RBFA: variants seen among roughly 807,000 people sequenced by gnomAD.
RBFA encodes putative ribosome-binding factor A, mitochondrial.
A neutral mutation model predicts 27.9 loss-of-function variants in RBFA; 16 were observed. That is an observed-to-expected ratio of 0.57 (90% confidence interval 0.39 to 0.87). The LOEUF (loss-of-function observed/expected upper bound fraction) is 0.87, where lower values mean the gene tolerates loss of function less well. RBFA is among the 40% of genes least tolerant of loss of function. The probability of loss-of-function intolerance (pLI) is 0.00; values close to 1 mark genes in which losing one functional copy is unlikely to be tolerated. For missense variants in RBFA, 456 were observed against 432.1 expected, an observed-to-expected ratio of 1.06 and a Z score of -0.49; for synonymous variants, 181 against 181.0, an observed-to-expected ratio of 1.00 and a Z score of 0.00.
In RBFA at chr18:80,046,437, C is replaced by T. The variant is rs2052054982; in HGVS notation, c.*282C>T. Reference sequence around the variant, plus strand: ...CTCTGAGATGCTGGCATGGCCACCTCCACCTGCAGAGCCCTGCCAGGTGCC... The same window carrying T: ...CTCTGAGATGCTGGCATGGCCACCTTCACCTGCAGAGCCCTGCCAGGTGCC... On this transcript the variant is annotated 3_prime_UTR_variant, in exon 7 of 7. Coordinates refer to ENST00000306735, the MANE Select transcript of RBFA (RefSeq NM_024805.3). 1 of 387,796 alleles carries T rather than the reference C, an allele frequency of 2.6e-6. No individual in the cohort carries two copies. Among genetic ancestry groups the T allele is most frequent in the Admixed American group, 4.1e-5 (1 of 24,618 alleles). The allele number at this position is 387,796 out of a possible 1,614,324, so 24.0% of individuals were successfully genotyped here. A position where few individuals can be genotyped will look rare whatever the true frequency, so the allele number is the denominator to read the frequency against.
At chr18:80,037,231 C>T in intron 2 of RBFA, 99 bp from the exon 3 acceptor site, 1 of 855,544 alleles carries the variant, frequency 1.2e-6, no homozygotes, top group South Asian at 1.7e-5. Flanking sequence ...TGCTGTTGAT[C>T]TGGTTGCCCA....
At chr18:80,038,482 C>T (rs922165094) in intron 3 of RBFA, 23 bp from the exon 4 acceptor site, 1 of 1,526,448 alleles carries the variant, frequency 6.6e-7, no homozygotes, top group Non-Finnish European at 9.0e-7. Context: ...TAAAAAGTGA[C>T]CTGTGGAGGG....
At chr18:80,034,971 CT>C (rs1262608187) in intron 1 of RBFA, 1 of 315,040 alleles carries the variant, frequency 3.2e-6, no homozygotes, top group African/African-American at 2.2e-5. Flanking sequence ...CTAATGTTGA[CT>C]TTCTGTGTGA....
At chr18:80,044,348 T>A (rs2052036405) in intron 6 of RBFA, 63 bp downstream of exon 6, 1 of 1,436,152 alleles carries the variant, frequency 7.0e-7, no homozygotes, top group East Asian at 2.3e-5. Context: ...GAATCACCAT[T>A]TTCCAGAGCA....
At chr18:80,042,049 A>G (rs1599768756) in intron 4 of RBFA, 86 bp from the exon 5 acceptor site, 1 of 995,328 alleles carries the variant, frequency 1.0e-6, no homozygotes, top group Non-Finnish European at 1.5e-6. Flanking sequence ...TCTTGGTTAC[A>G]TCTTGAATCA....
chr18:80,034,450 C>T lies in RBFA; in HGVS notation c.-46C>T, dbSNP rs752317094. On this transcript the variant is annotated 5_prime_UTR_variant, in exon 1 of 7. Coordinates refer to ENST00000306735, the MANE Select transcript of RBFA (RefSeq NM_024805.3). ...CCTCGCGTCAGTTGTCGCTCCGCGC[C>T]TGCGCCCGTTGTCTCCCTGCTCGCT... The T allele has an allele frequency of 8.4e-6, 12 of 1,434,662 alleles. No homozygotes were observed. The highest frequency in any genetic ancestry group is 1.1e-5 in the Non-Finnish European group (12 of 1,100,724). 88.9% of individuals were successfully genotyped at this position (1,434,662 alleles called of 1,614,324 possible).
chr18:80,042,040 C>T (rs1176007322), intron 4 of RBFA, 95 bp from the exon 5 acceptor site: 2 of 891,114 alleles, frequency 2.2e-6, no homozygotes, highest in East Asian at 6.0e-5. Flanking sequence ...ACTCCTGCCT[C>T]TTGGTTACAT....
In RBFA at chr18:80,038,519, A is replaced by G. The variant is rs1275055534; in HGVS notation, c.393A>G (p.Pro131=). 4 of 1,612,852 alleles carry G rather than the reference A, an allele frequency of 2.5e-6. No homozygotes were observed. Among genetic ancestry groups the G allele is most frequent in the Middle Eastern group, 1.7e-4 (1 of 6,054 alleles). ...NVELSKVSLT[P]DFSACRAYWK... The stretch of plus-strand genomic sequence containing the variant: ...CGGGGTCTCAGGTTTCCCTGACTCC[A>G]GACTTCTCAGCCTGCCGAGCGTACT... The change falls in exon 4 of 7, where the codon CCA becomes CCG. Residue 131 remains proline, a synonymous_variant. Coordinates refer to ENST00000306735, the MANE Select transcript of RBFA (RefSeq NM_024805.3).
chr18:80,041,292 C>T (rs2052013881), intron 4 of RBFA: 1 of 152,196 alleles, frequency 6.6e-6, no homozygotes, highest in Non-Finnish European at 1.5e-5. Flanking sequence ...TTCCCAACTC[C>T]TGCGGTCACC....
chr18:80,046,122 G>A lies in RBFA; in HGVS notation c.999G>A (p.Glu333=). ...CAGAGAGAGGAGGTGGCAGAACAGA[G>A]GATGGCCACAGCTGCGGAGCAAGCA... is the stretch of plus-strand genomic sequence containing the variant. ...LEAERGGGRT[E]DGHSCGASRE Residue 333 remains glutamate, a synonymous_variant, in exon 7 of 7, where the codon GAG becomes GAA. Transcript: ENST00000306735. 6.2e-7 allele frequency: 1 copy of A among 1,614,094 alleles called. No homozygotes were observed. The highest frequency in any genetic ancestry group is 1.1e-5 in the South Asian group (1 of 91,044).
chr18:80,035,261 TAA>T (rs35792614), intron 1 of RBFA: 71,341 of 152,552 alleles, frequency 0.47, 17,487 homozygotes, highest in East Asian at 0.76. Flanking sequence ...CCGATATTGA[TAA>T]GAGTGTTGCT....
chr18:80,046,208 C>A lies in RBFA; in HGVS notation c.*53C>A. Reference sequence around the variant, plus strand: ...TGCAGGGAAAAGCATTGGCACGCAACGCAGCATGTGGCTTCATTGAGGCAG... The same window carrying A: ...TGCAGGGAAAAGCATTGGCACGCAAAGCAGCATGTGGCTTCATTGAGGCAG... On this transcript the variant is annotated 3_prime_UTR_variant, in exon 7 of 7. Transcript: ENST00000306735. 6.4e-7 allele frequency: 1 copy of A among 1,568,216 alleles called. No homozygotes were observed. The highest frequency in any genetic ancestry group is 1.8e-5 in the Admixed American group (1 of 56,368).
rs1301766975 is a variant in RBFA at position 80,047,859 on chromosome 18, T to C, written c.*1704T>C. ...GTGTACATGTCTGTGGTTAATCATATAGGTCAGGATAATGAGGTGATACTG... is the reference window on the plus strand; with the variant it reads ...GTGTACATGTCTGTGGTTAATCATACAGGTCAGGATAATGAGGTGATACTG... On this transcript the variant is annotated 3_prime_UTR_variant, in exon 7 of 7. Transcript: ENST00000306735. Among the ~76,000 whole-genome samples, 1 of 152,166 alleles carries C rather than the reference T, an allele frequency of 6.6e-6. No individual in the cohort carries two copies.
chr18:80,042,630 G>A (rs1313533358), intron 5 of RBFA, among the ~76,000 whole-genome samples: 1 of 152,026 alleles, frequency 6.6e-6, no homozygotes, highest in Non-Finnish European at 1.5e-5. Context: ...AATTAGCTAG[G>A]TGTGGTGGCG....
At chr18:80,045,735 T>C (rs2052047299) in intron 6 of RBFA, 39 bp from the exon 7 acceptor site, 3 of 1,497,184 alleles carry the variant, frequency 2.0e-6, no homozygotes, top group Non-Finnish European at 2.7e-6. Flanking sequence ...ACTAGGGGCA[T>C]GGTTTGTGCT....
intron 5 of RBFA, among the ~76,000 whole-genome samples, chr18:80,043,182 T>C (rs2052028071): frequency 6.6e-6 from 1 of 152,228 alleles, no homozygotes; most frequent in South Asian, 2.1e-4. Context: ...GTTATTAAGA[T>C]ATGTTATACC....
chr18:80,042,308 T>A, intron 5 of RBFA, 89 bp downstream of exon 5: 1 of 760,648 alleles, frequency 1.3e-6, no homozygotes, highest in Non-Finnish European at 1.9e-6. Flanking sequence ...CAGGCTAGTC[T>A]TGAACTCCTG....
chr18:80,037,812 C>T (rs111437063), intron 3 of RBFA, among the ~76,000 whole-genome samples: 168 of 152,272 alleles, frequency 1.1e-3, no homozygotes, highest in African/African-American at 3.9e-3. Flanking sequence ...TCGCTTGAAC[C>T]CAGGAGGCGG....
intron 5 of RBFA, among the ~76,000 whole-genome samples, chr18:80,043,065 G>A (rs1366219488): frequency 1.3e-5 from 2 of 152,136 alleles, no homozygotes; most frequent in Admixed American, 6.5e-5. Flanking sequence ...GGTCTGTCCT[G>A]TAACCTTAAG....
Sources: gnomAD v4.1 joint callset for allele counts (sites outside exome capture counted in the v4.1 genomes callset) on GRCh38, gnomAD v4.1.1 for gene constraint, MANE v1.5 for transcripts, NCBI Gene and HGNC (gene_info 2026-07-23, HGNC 2026-07-21) for gene names.